BICC1: variants seen among roughly 807,000 people sequenced by gnomAD.
BICC1 encodes protein bicaudal C homolog 1.
A neutral mutation model predicts 111.0 loss-of-function variants in BICC1; 43 were observed. The observed-to-expected ratio is 0.39, with a 90% CI of 0.30 to 0.50. BICC1 has a LOEUF of 0.50. Ranked by LOEUF, BICC1 falls within the 20% of genes least tolerant of loss-of-function variation. The pLI is 0.88. For synonymous variants in BICC1, 467 were observed against 434.4 expected (o/e 1.07, Z -0.93); for missense variants, 1,091 against 1,203.2 (o/e 0.91, Z 1.38).
At chr10:58,785,573 CTCTG>C (rs1025233343) in intron 4 of BICC1, among the ~76,000 whole-genome samples, 6 of 152,014 alleles carry the variant, frequency 3.9e-5, no homozygotes, top group African/African-American at 1.4e-4. Context: ...CTCTCTCTCT[CTCTG>C]TAAGTATATG....
chr10:58,548,103 A>G (rs1843188699), intron 1 of BICC1, among the ~76,000 whole-genome samples: 1 of 152,212 alleles, frequency 6.6e-6, no homozygotes, highest in Admixed American at 6.5e-5. Context: ...GTCTGTCTAT[A>G]TTAAGCCAAA....
At chr10:58,731,989 G>A (rs1841314375) in intron 3 of BICC1, among the ~76,000 whole-genome samples, 1 of 152,180 alleles carries the variant, frequency 6.6e-6, no homozygotes, top group South Asian at 2.1e-4. Context: ...GTTCACTGGA[G>A]TGGCACTTTT....
chr10:58,826,620 G>A (rs1310713628), intron 20 of BICC1, among the ~76,000 whole-genome samples: 1 of 21,378 alleles, frequency 4.7e-5, no homozygotes, highest in African/African-American at 1.4e-4. Context: ...TTAGCCAGGT[G>A]TGGTGGTGGG....
chr10:58,772,795 A>G (rs993721231), intron 3 of BICC1, among the ~76,000 whole-genome samples: 7 of 152,308 alleles, frequency 4.6e-5, no homozygotes, highest in South Asian at 2.1e-4. Context: ...TCTCACTTCA[A>G]TGTATTTGAG....
intron 1 of BICC1, among the ~76,000 whole-genome samples, chr10:58,524,352 A>G (rs887266663): frequency 2.3e-4 from 35 of 152,294 alleles, no homozygotes; most frequent in Middle Eastern, 3.4e-3. Flanking sequence ...CAAAACAGAG[A>G]TATAGATCAA....
At chr10:58,761,221 C>G (rs1038503924) in intron 3 of BICC1, among the ~76,000 whole-genome samples, 12 of 152,158 alleles carry the variant, frequency 7.9e-5, no homozygotes, top group Non-Finnish European at 1.3e-4. Flanking sequence ...TGCTAAGATA[C>G]AGATGAAGGC....
In BICC1 at chr10:58,812,155, A is replaced by G. The variant is rs114289350; in HGVS notation, c.2377-1675A>G. ...AGTAGAATTAAAATGGCCCTTAGGG[A>G]GGCAGTTGGGACATTGTGGAGGTGC... On this transcript the variant is annotated intron_variant, in intron 17 of 20. Transcript: ENST00000373886. Among the ~76,000 whole-genome samples the G allele has an allele frequency of 1.8e-3, 278 of 152,190 alleles. 1 individual carries two copies. The highest frequency in any genetic ancestry group is 6.4e-3 in the African/African-American group (264 of 41,538).
intron 1 of BICC1, among the ~76,000 whole-genome samples, chr10:58,572,113 G>A (rs1037120115): frequency 6.6e-6 from 1 of 152,012 alleles, no homozygotes; most frequent in Non-Finnish European, 1.5e-5. Context: ...TTTCATGTTT[G>A]TTGGCCGCAT....
At chr10:58,520,997 A>G (rs900094125) in intron 1 of BICC1, among the ~76,000 whole-genome samples, 1 of 152,096 alleles carries the variant, frequency 6.6e-6, no homozygotes, top group Non-Finnish European at 1.5e-5. Flanking sequence ...CTTAAATTCT[A>G]CACTGGGATC....
chr10:58,788,318 G>C, intron 5 of BICC1, 52 bp from the exon 6 acceptor site: 1 of 1,332,690 alleles, frequency 7.5e-7, no homozygotes, highest in South Asian at 1.2e-5. Flanking sequence ...CTGGAAAAGA[G>C]ATGTGAGTTT....
In BICC1 at chr10:58,513,029, G is replaced by T. The variant is rs991840320; in HGVS notation, c.-115G>T. The T allele has an allele frequency of 6.6e-6, 5 of 760,014 alleles. No individual in the cohort carries two copies. The highest frequency in any genetic ancestry group is 8.7e-6 in the Non-Finnish European group (5 of 576,834). The allele number at this position is 760,014 out of a possible 1,614,324, so 47.1% of individuals were successfully genotyped here. On this transcript the variant is annotated 5_prime_UTR_variant, in exon 1 of 21. The change creates a new upstream start codon in the 5' untranslated region. Coordinates refer to ENST00000373886, the MANE Select transcript of BICC1 (RefSeq NM_001080512.3). ...GTTGGCGGTGGCGTCGGCGGCTGCAGGGGGACGAGCTAGCGCCGCGGCGCT... is the reference window on the plus strand; with the variant it reads ...GTTGGCGGTGGCGTCGGCGGCTGCATGGGGACGAGCTAGCGCCGCGGCGCT...
intron 1 of BICC1, among the ~76,000 whole-genome samples, chr10:58,578,631 A>G (rs2132002874): frequency 6.6e-6 from 1 of 152,318 alleles, no homozygotes; most frequent in East Asian, 1.9e-4. Context: ...CAACTCCTGC[A>G]GATATCACTT....
chr10:58,527,950 C>G (rs952329999), intron 1 of BICC1, among the ~76,000 whole-genome samples: 2 of 151,902 alleles, frequency 1.3e-5, no homozygotes, highest in African/African-American at 4.8e-5. Context: ...AATAATATGT[C>G]TCATGTAGGG....
At chr10:58,622,441 A>G (rs988528175) in intron 2 of BICC1, among the ~76,000 whole-genome samples, 2 of 152,234 alleles carry the variant, frequency 1.3e-5, no homozygotes, top group Admixed American at 6.5e-5. Flanking sequence ...TTGCAGAGAC[A>G]TATATACATT....
intron 3 of BICC1, among the ~76,000 whole-genome samples, chr10:58,761,334 T>TG (rs1842310662): frequency 6.6e-6 from 1 of 152,154 alleles, no homozygotes; most frequent in Admixed American, 6.5e-5. Context: ...ATCCTAGAGC[T>TG]GGGGGCAGTG....
chr10:58,544,155 G>A (rs1388436758), intron 1 of BICC1, among the ~76,000 whole-genome samples: 1 of 152,062 alleles, frequency 6.6e-6, no homozygotes, highest in Non-Finnish European at 1.5e-5. Context: ...GTGGTAACTG[G>A]AACCTCATAA....
chr10:58,827,950 T>C (rs1844447748), intron 20 of BICC1, among the ~76,000 whole-genome samples: 1 of 152,214 alleles, frequency 6.6e-6, no homozygotes, highest in South Asian at 2.1e-4. Context: ...TTTCTGATGA[T>C]TCACTTGCAC....
chr10:58,721,561 A>T (rs1273874528), intron 3 of BICC1, among the ~76,000 whole-genome samples: 1 of 152,196 alleles, frequency 6.6e-6, no homozygotes. Context: ...GAGGAAAAAA[A>T]ATATGCTCCA....
intron 1 of BICC1, among the ~76,000 whole-genome samples, chr10:58,610,924 T>C (rs1243413044): frequency 6.6e-6 from 1 of 152,198 alleles, no homozygotes; most frequent in Non-Finnish European, 1.5e-5. Context: ...GCTTCTCCAC[T>C]GAGAGCTGCA....
Sources: allele counts gnomAD v4.1 joint callset (sites outside exome capture counted in the v4.1 genomes callset), GRCh38; gene constraint gnomAD v4.1.1; transcripts MANE v1.5; gene names NCBI Gene and HGNC (gene_info 2026-07-23, HGNC 2026-07-21).